The following EPB41 variants were observed in gnomAD, a reference collection of about 807,000 sequenced individuals.
EPB41 encodes the protein protein 4.1.
In EPB41, 65 loss-of-function variants were observed where a neutral mutation model predicts 108.0. That is an observed-to-expected ratio of 0.60 (90% CI 0.49 to 0.74). EPB41 has a LOEUF of 0.74. Among genes scored for constraint, EPB41 ranks in the 30% least tolerant of loss-of-function variants. The pLI, the probability that EPB41 is intolerant of heterozygous loss-of-function variation, is 0.00. For missense variants in EPB41, 875 were observed against 1,037.0 expected (o/e 0.84, Z 2.15); for synonymous variants, 336 against 358.9 (o/e 0.94, Z 0.72).
intron 1 of EPB41, among the ~76,000 whole-genome samples, chr1:28,948,688 C>A (rs116137522): frequency 2.0e-4 from 30 of 152,024 alleles, no homozygotes; most frequent in African/African-American, 7.3e-4. Context: ...TGTGACTTAA[C>A]GCCTGTAATC....
intron 2 of EPB41, among the ~76,000 whole-genome samples, chr1:28,992,273 T>C (rs1246537905): frequency 6.6e-6 from 1 of 152,234 alleles, no homozygotes; most frequent in Non-Finnish European, 1.5e-5. Flanking sequence ...ATGCATTCTT[T>C]TTTTCTTTTA....
intron 1 of EPB41, among the ~76,000 whole-genome samples, chr1:28,907,369 C>CT (rs34396630): frequency 0.12 from 18,479 of 150,602 alleles, 1,536 homozygotes; most frequent in African/African-American, 0.25. Context: ...ACCCGGCCTT[C>CT]TTTTTTTTTC....
At chr1:29,109,094 A>C (rs905834453) in intron 17 of EPB41, among the ~76,000 whole-genome samples, 2 of 151,668 alleles carry the variant, frequency 1.3e-5, no homozygotes, top group Non-Finnish European at 2.9e-5. Context: ...GCTACTCAGG[A>C]GGCTGAGGCA....
intron 11 of EPB41, among the ~76,000 whole-genome samples, chr1:29,046,362 C>T (rs969225817): frequency 2.0e-5 from 3 of 151,926 alleles, no homozygotes; most frequent in South Asian, 2.1e-4. Context: ...CTCCTGACCT[C>T]GTGATCCACC....
intron 17 of EPB41, among the ~76,000 whole-genome samples, chr1:29,107,026 A>G (rs1667440853): frequency 1.3e-5 from 2 of 151,780 alleles, no homozygotes; most frequent in Admixed American, 6.6e-5. Context: ...TCTACTAAAA[A>G]TACAGAATTA....
intron 17 of EPB41, among the ~76,000 whole-genome samples, chr1:29,100,655 A>T (rs1665005752): frequency 6.8e-6 from 1 of 146,656 alleles, no homozygotes; most frequent in Non-Finnish European, 1.5e-5. Flanking sequence ...AATATTATAT[A>T]TATATTTATA....
chr1:29,070,717 C>T (rs953915507), intron 16 of EPB41: 1 of 1,216,756 alleles, frequency 8.2e-7, no homozygotes, highest in Non-Finnish European at 1.0e-6. Flanking sequence ...CTTGATAGTT[C>T]ACTATCCTAG....
At chr1:29,027,894 G>T (rs996810287) in intron 7 of EPB41, among the ~76,000 whole-genome samples, 1 of 151,894 alleles carries the variant, frequency 6.6e-6, no homozygotes, top group South Asian at 2.1e-4. Context: ...ACGCAATCTC[G>T]GCTCACCACA....
chr1:29,097,250 A>AGGT (rs1663526039), intron 16 of EPB41: 1 of 158,908 alleles, frequency 6.3e-6, no homozygotes, highest in South Asian at 1.8e-4. Flanking sequence ...ATTAATCACC[A>AGGT]GGTGGTGGTA....
At position 29,040,391 on chromosome 1, in the gene EPB41, C is replaced by G. The variant is rs1641031571; in HGVS notation, c.1636+965C>G. 3.3e-5 allele frequency among the ~76,000 whole-genome samples: 5 copies of G among 152,132 alleles called. No homozygotes were observed. The South Asian group carries it at 1.0e-3, about 32-fold the overall frequency. ...GCCTACCAAGGTTCAAGTGATTCTC[C>G]TGCCTTAGTCTCCCGAGTAGCTGTG... is the stretch of plus-strand genomic sequence containing the variant. On this transcript the variant is annotated intron_variant, in intron 11 of 20. Transcript: ENST00000343067.
intron 16 of EPB41, among the ~76,000 whole-genome samples, chr1:29,085,445 A>T (rs986528348): frequency 3.3e-5 from 5 of 152,090 alleles, no homozygotes; most frequent in Admixed American, 1.3e-4. Context: ...ACACCTGGCC[A>T]AAAACCACAT....
intron 7 of EPB41, among the ~76,000 whole-genome samples, chr1:29,027,285 C>T (rs2096731820): frequency 6.6e-6 from 1 of 151,934 alleles, no homozygotes; most frequent in Non-Finnish European, 1.5e-5. Flanking sequence ...CAGGTCACTG[C>T]ACCCAGCTAA....
chr1:29,099,958 G>A (rs539744), intron 17 of EPB41, among the ~76,000 whole-genome samples: 13,811 of 152,206 alleles, frequency 0.091, 814 homozygotes, highest in Non-Finnish European at 0.14. Context: ...AGACAATATG[G>A]GATTACATGA....
intron 1 of EPB41, among the ~76,000 whole-genome samples, chr1:28,952,451 G>A (rs535402992): frequency 1.3e-5 from 2 of 152,186 alleles, no homozygotes; most frequent in South Asian, 2.1e-4. Context: ...ACTTGAACCC[G>A]GGAGGCGGAG....
At chr1:29,087,731 T>C (rs1484150098) in intron 16 of EPB41, among the ~76,000 whole-genome samples, 3 of 152,228 alleles carry the variant, frequency 2.0e-5, no homozygotes, top group Non-Finnish European at 4.4e-5. Context: ...CATAAAGGCA[T>C]ATATATAATC....
At chr1:29,034,799 A>T (rs909437841) in intron 9 of EPB41, among the ~76,000 whole-genome samples, 2 of 152,158 alleles carry the variant, frequency 1.3e-5, no homozygotes. Flanking sequence ...ATTGTACAAC[A>T]TGGTGACTAT....
chr1:28,992,501 A>T (rs2096050312), intron 2 of EPB41, among the ~76,000 whole-genome samples: 1 of 152,202 alleles, frequency 6.6e-6, no homozygotes, highest in South Asian at 2.1e-4. Context: ...ATCCTGGCTA[A>T]CGTGGTGAAA....
rs1640693972 is a variant in EPB41 at position 29,039,500 on chromosome 1, A to G, written c.1636+74A>G. 9.5e-6 allele frequency: 15 copies of G among 1,571,978 alleles called. No homozygotes were observed. In the South Asian group the frequency reaches 1.7e-4, roughly 18 times the overall value. Reference sequence around the variant, plus strand: ...AGATAAAGGAAGTGCAATTATCTATAAGAGAACCGAATTAAAGAAGCTCAG... The same window carrying G: ...AGATAAAGGAAGTGCAATTATCTATGAGAGAACCGAATTAAAGAAGCTCAG... On this transcript the variant is annotated intron_variant, in intron 11 of 20. Transcript: ENST00000343067.
At chr1:29,048,755 T>C (rs909172035) in intron 11 of EPB41, among the ~76,000 whole-genome samples, 2 of 152,234 alleles carry the variant, frequency 1.3e-5, no homozygotes, top group African/African-American at 4.8e-5. Context: ...TAGTCAATAT[T>C]CCTTGAGCAC....
Sources: allele counts gnomAD v4.1 joint callset (sites outside exome capture counted in the v4.1 genomes callset), GRCh38; gene constraint gnomAD v4.1.1; transcripts MANE v1.5; gene names NCBI Gene and HGNC (gene_info 2026-07-23, HGNC 2026-07-21).